The following RAD51B variants were observed in gnomAD, a reference collection of about 807,000 sequenced individuals.
RAD51B encodes DNA repair protein RAD51 homolog 2.
Under a neutral mutation model 42.2 loss-of-function variants are expected in RAD51B, and 38 were observed. That is an observed-to-expected ratio of 0.90 (90% CI 0.70 to 1.18). The LOEUF (loss-of-function observed/expected upper bound fraction) is 1.18, where lower values mean the gene tolerates loss of function less well. Among genes scored for constraint, RAD51B ranks in the 50% most tolerant of loss-of-function variants. RAD51B has a pLI of 0.00. For missense variants in RAD51B, 373 were observed against 400.7 expected, an observed-to-expected ratio of 0.93 and a Z score of 0.59; for synonymous variants, 154 against 145.2, an observed-to-expected ratio of 1.06 and a Z score of -0.43.
chr14:68,384,652 T>C (rs368666929), intron 8 of RAD51B, among the ~76,000 whole-genome samples: 5 of 152,226 alleles, frequency 3.3e-5, no homozygotes, highest in Admixed American at 6.5e-5. Context: ...GAAAGTTGTC[T>C]TGGGATCAGA....
intron 8 of RAD51B, among the ~76,000 whole-genome samples, chr14:68,402,310 T>C (rs560621061): frequency 6.6e-6 from 1 of 152,332 alleles, no homozygotes; most frequent in South Asian, 2.1e-4. Flanking sequence ...GAACAAGAAC[T>C]GATGACCTGC....
chr14:68,163,984 A>G (rs1430703602), intron 7 of RAD51B, among the ~76,000 whole-genome samples: 2 of 152,170 alleles, frequency 1.3e-5, no homozygotes, highest in Non-Finnish European at 2.9e-5. Flanking sequence ...TCTTGAGAAG[A>G]AATGTTCTTG....
chr14:68,098,976 T>C (rs1261464826), intron 7 of RAD51B, among the ~76,000 whole-genome samples: 1 of 152,220 alleles, frequency 6.6e-6, no homozygotes, highest in African/African-American at 2.4e-5. Context: ...CTAGGGGTTC[T>C]GGAGACAGCA....
At chr14:68,521,975 A>G (rs1227482569) in intron 10 of RAD51B, among the ~76,000 whole-genome samples, 1 of 152,206 alleles carries the variant, frequency 6.6e-6, no homozygotes, top group African/African-American at 2.4e-5. Context: ...CAGCAACGCT[A>G]TAAGGTTGGG....
chr14:68,156,691 G>A (rs997920884), intron 7 of RAD51B, among the ~76,000 whole-genome samples: 2 of 151,990 alleles, frequency 1.3e-5, no homozygotes, highest in African/African-American at 4.8e-5. Context: ...TAAAATGTTT[G>A]AACTATAATG....
intron 7 of RAD51B, among the ~76,000 whole-genome samples, chr14:67,892,998 C>G (rs2043264675): frequency 6.6e-6 from 1 of 152,076 alleles, no homozygotes; most frequent in Non-Finnish European, 1.5e-5. Flanking sequence ...TGTAATAAGC[C>G]ATAACTGTGA....
At chr14:67,913,250 T>C (rs1369059045) in intron 7 of RAD51B, among the ~76,000 whole-genome samples, 1 of 152,186 alleles carries the variant, frequency 6.6e-6, no homozygotes, top group African/African-American at 2.4e-5. Flanking sequence ...CAACCTTTGG[T>C]GGACCTAAGA....
intron 10 of RAD51B, among the ~76,000 whole-genome samples, chr14:68,582,273 A>G (rs1010687336): frequency 1.3e-5 from 2 of 152,240 alleles, no homozygotes; most frequent in Non-Finnish European, 2.9e-5. Flanking sequence ...ACAAAGGGCT[A>G]ATATCCAGAA....
chr14:68,332,225 T>C (rs1031806003), intron 8 of RAD51B, among the ~76,000 whole-genome samples: 1 of 151,932 alleles, frequency 6.6e-6, no homozygotes, highest in African/African-American at 2.4e-5. Context: ...TACCCACCCA[T>C]CCCCCAAATA....
intron 10 of RAD51B, among the ~76,000 whole-genome samples, chr14:68,514,648 G>A (rs148900321): frequency 1.2e-3 from 186 of 150,688 alleles, no homozygotes; most frequent in African/African-American, 4.2e-3. Context: ...TTGCTTAAAC[G>A]TTTATTAACT....
At chr14:68,449,200 C>A (rs564469083) in intron 9 of RAD51B, among the ~76,000 whole-genome samples, 24 of 152,156 alleles carry the variant, frequency 1.6e-4, no homozygotes, top group Non-Finnish European at 3.4e-4. Flanking sequence ...AAAGTATTTT[C>A]ATTTCTAATT....
At chr14:68,669,951 TG>T (rs1052607814) in intron 11 of RAD51B, among the ~76,000 whole-genome samples, 7 of 152,184 alleles carry the variant, frequency 4.6e-5, no homozygotes, top group Non-Finnish European at 7.3e-5. Context: ...TGCCTGCTGG[TG>T]GGACCAGGCC....
At chr14:67,920,355 T>A (rs904333265) in intron 7 of RAD51B, among the ~76,000 whole-genome samples, 1 of 152,224 alleles carries the variant, frequency 6.6e-6, no homozygotes, top group African/African-American at 2.4e-5. Context: ...CAAATTTTAC[T>A]GTTTAAAGAA....
rs566068278 is a variant in RAD51B at position 67,966,110 on chromosome 14, T to C, written c.756+78906T>C. 5.9e-5 allele frequency among the ~76,000 whole-genome samples: 9 copies of C among 152,334 alleles called. No homozygotes were observed. In the East Asian group the frequency reaches 1.5e-3, roughly 26 times the overall value. ...TAGCTACAGTAGGTTTCTGGCATAGTAGTTAATTTCAAGAATTAAAAGAAA... is the reference window on the plus strand; with the variant it reads ...TAGCTACAGTAGGTTTCTGGCATAGCAGTTAATTTCAAGAATTAAAAGAAA... On this transcript the variant is annotated intron_variant, in intron 7 of 10. Coordinates refer to ENST00000471583, the MANE Select transcript of RAD51B (RefSeq NM_133510.4).
At chr14:68,662,345 T>G (rs1474960) in intron 11 of RAD51B, among the ~76,000 whole-genome samples, 2 of 152,168 alleles carry the variant, frequency 1.3e-5, no homozygotes, top group Non-Finnish European at 2.9e-5. Flanking sequence ...TATTTCATCT[T>G]GTTACATTCA....
At chr14:68,448,821 T>C (rs1425813769) in intron 9 of RAD51B, among the ~76,000 whole-genome samples, 1 of 152,068 alleles carries the variant, frequency 6.6e-6, no homozygotes, top group Non-Finnish European at 1.5e-5. Context: ...TGACTTTCCA[T>C]GTATAAGAGA....
chr14:67,886,148 T>A (rs2043054484), intron 6 of RAD51B, among the ~76,000 whole-genome samples, 160 bp downstream of exon 6: 1 of 152,228 alleles, frequency 6.6e-6, no homozygotes, highest in Non-Finnish European at 1.5e-5. Context: ...GTTGAAGTCT[T>A]TCTTGAAAAA....
intron 7 of RAD51B, among the ~76,000 whole-genome samples, chr14:68,239,167 G>A (rs1042800254): frequency 1.3e-5 from 2 of 152,080 alleles, no homozygotes; most frequent in African/African-American, 4.8e-5. Context: ...TGAGGAAAAC[G>A]CCTCCACTCC....
rs577002224 is a variant in RAD51B, at chr14:68,492,580, T to C, written c.1036+24330T>C. On this transcript the variant is annotated intron_variant, in intron 10 of 10. Transcript: ENST00000487270. Reference sequence around the variant, plus strand: ...AACTGCTGACATTTGTTCTTGTGTGTGAAACCAGTTTTGAAGTTACAAATT... The same window carrying C: ...AACTGCTGACATTTGTTCTTGTGTGCGAAACCAGTTTTGAAGTTACAAATT... Among the ~76,000 whole-genome samples the C allele has an allele frequency of 1.2e-4, 18 of 152,352 alleles. 1 individual carries two copies. In the South Asian group the frequency reaches 2.7e-3, roughly 23 times the overall value.
Sources: gnomAD v4.1 joint callset for allele counts (sites outside exome capture counted in the v4.1 genomes callset) on GRCh38, gnomAD v4.1.1 for gene constraint, MANE v1.5 for transcripts, NCBI Gene and HGNC (gene_info 2026-07-23, HGNC 2026-07-21) for gene names.